Variants in PLXNA4 observed in about 807,000 individuals in gnomAD.
PLXNA4 encodes the protein plexin-A4.
Under a neutral mutation model 191.8 loss-of-function variants are expected in PLXNA4, and 44 were observed. The ratio of observed to expected loss-of-function variants is 0.23; its 90% CI spans 0.18 to 0.29. The LOEUF (loss-of-function observed/expected upper bound fraction) is 0.29, where lower values mean the gene tolerates loss of function less well. Among genes scored for constraint, PLXNA4 ranks in the 10% least tolerant of loss-of-function variants. The pLI is 1.00. For missense variants in PLXNA4, 1,800 were observed against 2,488.8 expected (o/e 0.72, Z 5.89); for synonymous variants, 1,082 against 1,009.5 (o/e 1.07, Z -1.36).
chr7:132,454,430 G>A (rs1182331986), intron 3 of PLXNA4, among the ~76,000 whole-genome samples: 5 of 152,072 alleles, frequency 3.3e-5, no homozygotes, highest in African/African-American at 1.2e-4. Flanking sequence ...AGGGGCTTGG[G>A]TTCTGTGAGG....
Position 132,125,167 on chromosome 7 carries a change from CAG to C in PLXNA4, c.*5310_*5311del, listed in dbSNP as rs1368805241. 4.6e-5 allele frequency: 7 copies of C among 152,190 alleles called. No homozygotes were observed. The highest frequency in any genetic ancestry group is 3.9e-4 in the Admixed American group (6 of 15,302). The allele number at this position is 152,190 out of a possible 1,614,324, so 9.4% of individuals were successfully genotyped here. Reference sequence around the variant, plus strand: ...CCTTAGCACCATGAGGAGAGGTTTGCAGAGTGTCCCAGCCTCATTCGGGAGCT... The same window carrying C: ...CCTTAGCACCATGAGGAGAGGTTTGCAGTGTCCCAGCCTCATTCGGGAGCT... On this transcript the variant is annotated 3_prime_UTR_variant, in exon 32 of 32. Transcript: ENST00000321063.
At chr7:132,600,146 C>T (rs1802789683) in intron 2 of PLXNA4, among the ~76,000 whole-genome samples, 1 of 152,100 alleles carries the variant, frequency 6.6e-6, no homozygotes, top group South Asian at 2.1e-4. Flanking sequence ...TCTTACATTG[C>T]TCTTACCTCA....
intron 3 of PLXNA4, among the ~76,000 whole-genome samples, chr7:132,400,485 G>A (rs1271376319): frequency 3.9e-5 from 6 of 152,198 alleles, no homozygotes; most frequent in African/African-American, 9.6e-5. Context: ...CAAGGTGCTC[G>A]TCTCTCCTCC....
At chr7:132,323,679 C>A (rs903279528) in intron 3 of PLXNA4, among the ~76,000 whole-genome samples, 1 of 152,208 alleles carries the variant, frequency 6.6e-6, no homozygotes, top group Non-Finnish European at 1.5e-5. Flanking sequence ...ATAATGTCGA[C>A]TGTCCTTAGA....
At chr7:132,178,330 A>T (rs947757137) in intron 20 of PLXNA4, among the ~76,000 whole-genome samples, 2 of 151,940 alleles carry the variant, frequency 1.3e-5, no homozygotes, top group African/African-American at 4.8e-5. Context: ...GGTGAAGGTG[A>T]CAATCCTGGG....
chr7:132,523,781 G>C (rs1301685832), intron 1 of PLXNA4, among the ~76,000 whole-genome samples: 1 of 152,152 alleles, frequency 6.6e-6, no homozygotes, highest in South Asian at 2.1e-4. Context: ...GGAAACAAGG[G>C]GGGCGGAAGA....
chr7:132,132,428 TTCTGTTCTGTTCTGTTC>T (rs1563048067), intron 31 of PLXNA4, among the ~76,000 whole-genome samples: 5 of 82,452 alleles, frequency 6.1e-5, no homozygotes, highest in African/African-American at 2.4e-4. Flanking sequence ...TTCTGTTCTG[TTCTGTTCTGTTCTGTTC>T]TGTTCTGTTC....
chr7:132,459,719 G>A (rs1378069725), intron 3 of PLXNA4, among the ~76,000 whole-genome samples: 1 of 152,182 alleles, frequency 6.6e-6, no homozygotes, highest in Non-Finnish European at 1.5e-5. Context: ...GGGGATGCTG[G>A]GGGCAGCGAG....
chr7:132,508,518 C>T lies in PLXNA4; in HGVS notation c.176G>A (p.Arg59Lys), dbSNP rs891380614. 14 of 1,614,080 alleles carry T rather than the reference C, an allele frequency of 8.7e-6. No individual in the cohort carries two copies. The highest frequency in any genetic ancestry group is 1.7e-5 in the Admixed American group (1 of 60,008). The change falls in exon 2 of 32, where the codon AGG (arginine) becomes AAG (lysine). Residue 59 changes from arginine (R) to lysine (K), a missense_variant. Transcript: ENST00000321063. The surrounding 1 kb of genome is among the most constrained non-coding windows in gnomAD (Gnocchi z 4.4). ...EGFNHLVVDE[R>K]TGHIYLGAVN... ...GGCCCCCAAGTAAATGTGTCCTGTC[C>T]TCTCATCCACCACCAGGTGATTGAA...
intron 2 of PLXNA4, among the ~76,000 whole-genome samples, chr7:132,622,654 G>T (rs1466594670): frequency 6.6e-6 from 1 of 152,200 alleles, no homozygotes; most frequent in East Asian, 1.9e-4. Context: ...GATGACTCCA[G>T]TTGTTGGTCA....
chr7:132,388,863 C>G (rs76766058), intron 3 of PLXNA4, among the ~76,000 whole-genome samples: 2,046 of 152,300 alleles, frequency 0.013, 45 homozygotes, highest in African/African-American at 0.047. Context: ...TATTCTATTC[C>G]TCAAAGCAGG....
In PLXNA4 at chr7:132,508,340, G is replaced by C. The variant is rs1563141412; in HGVS notation, c.354C>G (p.Leu118=). Residue 118 remains leucine (L), a synonymous_variant, in exon 2 of 32, where the codon CTC becomes CTG. Transcript: ENST00000321063. The surrounding 1 kb of genome is among the most constrained non-coding windows in gnomAD (Gnocchi z 4.4). ...LTTTNNVNKM[L]LIDYKENRLI... is the part of the protein sequence containing the mutation. ...GCCTGTTCTCCTTGTAGTCTATGAG[G>C]AGCATCTTGTTGACATTGTTGGTGG... 1.2e-6 allele frequency: 2 copies of C among 1,614,206 alleles called. No homozygotes were observed. Among genetic ancestry groups the C allele is most frequent in the Non-Finnish European group, 1.7e-6 (2 of 1,180,050 alleles).
At chr7:132,242,361 A>G (rs1333095451) in intron 4 of PLXNA4, among the ~76,000 whole-genome samples, 1 of 152,166 alleles carries the variant, frequency 6.6e-6, no homozygotes, top group Non-Finnish European at 1.5e-5. Context: ...ATGCAGAGGC[A>G]GTGTTTCCCC....
At chr7:132,167,480 C>T (rs757526668) in intron 22 of PLXNA4, among the ~76,000 whole-genome samples, 2 of 152,132 alleles carry the variant, frequency 1.3e-5, no homozygotes, top group African/African-American at 4.8e-5. Context: ...CACTAAAATG[C>T]AGGTTCTGAT....
At chr7:132,506,190 C>T (rs563398233) in intron 2 of PLXNA4, among the ~76,000 whole-genome samples, 1 of 152,294 alleles carries the variant, frequency 6.6e-6, no homozygotes, top group East Asian at 1.9e-4. Flanking sequence ...TTTCTCCTCC[C>T]TCTTCCCTAT....
chr7:132,259,713 G>C (rs950314442), intron 4 of PLXNA4, among the ~76,000 whole-genome samples: 43 of 152,126 alleles, frequency 2.8e-4, no homozygotes, highest in Admixed American at 1.8e-3. Flanking sequence ...CCAACACTTG[G>C]AAGCGAACAA....
chr7:132,204,305 C>A (rs977984040), intron 10 of PLXNA4, among the ~76,000 whole-genome samples: 1 of 152,170 alleles, frequency 6.6e-6, no homozygotes, highest in Non-Finnish European at 1.5e-5. Flanking sequence ...CATAGCAGAC[C>A]CCTCTCAGTC....
chr7:132,527,472 G>C lies in PLXNA4; in HGVS notation c.-86-18693C>G, dbSNP rs74591276. Among the ~76,000 whole-genome samples the C allele has an allele frequency of 6.7e-3, 976 of 144,986 alleles. 13 individuals are homozygous for C. The highest frequency in any genetic ancestry group is 0.024 in the African/African-American group (929 of 39,224). The stretch of plus-strand genomic sequence containing the variant: ...GAGGCTAAATGCCTTTCTCCACGTC[G>C]TAGAGATTTTCCCAGGAAACTACAG... On this transcript the variant is annotated intron_variant, in intron 1 of 31. Transcript: ENST00000321063.
intron 2 of PLXNA4, among the ~76,000 whole-genome samples, chr7:132,497,026 T>C (rs1471047158): frequency 1.3e-5 from 2 of 152,204 alleles, no homozygotes; most frequent in African/African-American, 4.8e-5. Flanking sequence ...ATGAGCTGCC[T>C]ATTGATACAG....
Sources: allele counts gnomAD v4.1 joint callset (sites outside exome capture counted in the v4.1 genomes callset), GRCh38; gene constraint gnomAD v4.1.1; non-coding constraint Gnocchi (gnomAD v3.1); transcripts MANE v1.5; gene names NCBI Gene and HGNC (gene_info 2026-07-23, HGNC 2026-07-21).